Variants in CLASP1 observed in about 807,000 individuals in gnomAD.
CLASP1 encodes cytoplasmic linker associated protein 1, also known as CLIP-associating protein 1.
A neutral mutation model predicts 192.3 loss-of-function variants in CLASP1; 38 were observed. The observed-to-expected ratio is 0.20, with a 90% CI of 0.15 to 0.26. The LOEUF (loss-of-function observed/expected upper bound fraction) is 0.26. Among genes scored for constraint, CLASP1 ranks in the 10% least tolerant of loss-of-function variants. CLASP1 has a pLI of 1.00. For synonymous variants in CLASP1, 691 were observed against 712.8 expected (o/e 0.97, Z 0.49); for missense variants, 1,433 against 1,932.5 (o/e 0.74, Z 4.85).
intron 1 of CLASP1, among the ~76,000 whole-genome samples, chr2:121,608,572 GAGTGA>G (rs2064766051): frequency 6.6e-6 from 1 of 152,174 alleles, no homozygotes; most frequent in East Asian, 1.9e-4. Flanking sequence ...CCAGACATGT[GAGTGA>G]GGCCATCTGG....
chr2:121,604,581 T>C (rs192757430), intron 2 of CLASP1, among the ~76,000 whole-genome samples: 42 of 152,236 alleles, frequency 2.8e-4, no homozygotes, highest in Admixed American at 2.1e-3. Flanking sequence ...GGTGGGAGGA[T>C]TGCTTGAGCC....
intron 8 of CLASP1, among the ~76,000 whole-genome samples, chr2:121,475,534 T>G (rs1416050101): frequency 2.0e-5 from 3 of 152,210 alleles, no homozygotes; most frequent in African/African-American, 7.2e-5. Flanking sequence ...GTTCTAACGT[T>G]ACAGTATTTC....
intron 7 of CLASP1, 141 bp from the exon 8 acceptor site, chr2:121,503,375 T>C (rs1575514958): frequency 3.3e-6 from 2 of 597,640 alleles, no homozygotes; most frequent in East Asian, 5.6e-5. Context: ...AAACAGTGAC[T>C]CAATCAATAA....
rs71398038 is a variant in CLASP1, at chr2:121,633,007, C to CATATATATATATATATAT, written c.-286+16347_-286+16364dup. ...GTGTGTATATATATGTATGTGTGTG[C>CATATATATATATATATAT]ATATATATATATATATATATAGGCT... On this transcript the variant is annotated intron_variant, in intron 1 of 39. Transcript: ENST00000263710. Among the ~76,000 whole-genome samples, 88 of 115,546 alleles carry CATATATATATATATATAT rather than the reference C, an allele frequency of 7.6e-4. 2 individuals are homozygous for CATATATATATATATATAT. Among genetic ancestry groups the CATATATATATATATATAT allele is most frequent in the African/African-American group, 2.7e-3 (71 of 26,508 alleles). 75.8% of individuals were successfully genotyped at this position (115,546 alleles called of 152,430 possible). A position where few individuals can be genotyped will look rare whatever the true frequency, so the allele number is the denominator to read the frequency against.
chr2:121,497,576 G>C (rs1559440225), intron 8 of CLASP1, among the ~76,000 whole-genome samples: 2 of 152,136 alleles, frequency 1.3e-5, no homozygotes. Flanking sequence ...CAGGGAAAAA[G>C]CACTGCCTGA....
intron 7 of CLASP1, among the ~76,000 whole-genome samples, chr2:121,507,020 C>T (rs1260745200): frequency 6.6e-6 from 1 of 152,074 alleles, no homozygotes; most frequent in African/African-American, 2.4e-5. Flanking sequence ...CCAGTTTCAA[C>T]AACAAATGAT....
chr2:121,485,446 C>G (rs1378760844), intron 8 of CLASP1, among the ~76,000 whole-genome samples: 1 of 152,206 alleles, frequency 6.6e-6, no homozygotes, highest in Non-Finnish European at 1.5e-5. Context: ...AAGCCAAGCT[C>G]AAACACCATT....
chr2:121,351,082 C>T (rs1156323288), intron 37 of CLASP1, among the ~76,000 whole-genome samples: 1 of 152,178 alleles, frequency 6.6e-6, no homozygotes, highest in South Asian at 2.1e-4. Context: ...GCAGGCCGCA[C>T]CTCATTCGTC....
chr2:121,496,488 T>TG (rs1055029035), intron 8 of CLASP1, among the ~76,000 whole-genome samples: 21 of 152,032 alleles, frequency 1.4e-4, no homozygotes, highest in African/African-American at 5.1e-4. Context: ...TAAGAATCCA[T>TG]GGGAAAAAGC....
intron 21 of CLASP1, 142 bp from the exon 22 acceptor site, chr2:121,425,448 A>T: frequency 1.5e-6 from 1 of 648,642 alleles, no homozygotes. Flanking sequence ...TGGTGGTAGT[A>T]ATTTTTTTAA....
chr2:121,372,376 C>A (rs2068929618), intron 34 of CLASP1, among the ~76,000 whole-genome samples: 1 of 152,150 alleles, frequency 6.6e-6, no homozygotes, highest in Non-Finnish European at 1.5e-5. Flanking sequence ...TTATCCTTTA[C>A]CTGGTGATTT....
intron 1 of CLASP1, among the ~76,000 whole-genome samples, chr2:121,608,445 G>T (rs1400415526): frequency 6.6e-6 from 1 of 152,114 alleles, no homozygotes; most frequent in African/African-American, 2.4e-5. Flanking sequence ...AATGGAACTT[G>T]CCCTCTTAGA....
intron 1 of CLASP1, among the ~76,000 whole-genome samples, chr2:121,640,508 C>A (rs917888364): frequency 6.6e-6 from 1 of 152,152 alleles, no homozygotes; most frequent in African/African-American, 2.4e-5. Flanking sequence ...GAGCTCAAAT[C>A]TAAAAAGGAC....
intron 1 of CLASP1, among the ~76,000 whole-genome samples, chr2:121,626,049 G>A (rs1408869306): frequency 1.3e-5 from 2 of 151,072 alleles, no homozygotes; most frequent in Non-Finnish European, 2.9e-5. Context: ...GCAGTGAGCT[G>A]AGATGGCACC....
intron 9 of CLASP1, among the ~76,000 whole-genome samples, chr2:121,463,210 C>G (rs1249085949): frequency 6.6e-6 from 1 of 152,170 alleles, no homozygotes; most frequent in Non-Finnish European, 1.5e-5. Context: ...TATGAGCTCC[C>G]CTTTATGTAT....
intron 8 of CLASP1, among the ~76,000 whole-genome samples, chr2:121,486,319 A>T (rs569239540): frequency 3.3e-5 from 5 of 152,208 alleles, no homozygotes; most frequent in Non-Finnish European, 7.4e-5. Flanking sequence ...GTTTTAAGCA[A>T]CACTAAGGGA....
intron 1 of CLASP1, among the ~76,000 whole-genome samples, chr2:121,608,600 A>G: frequency 6.6e-6 from 1 of 152,178 alleles, no homozygotes; most frequent in East Asian, 1.9e-4. Context: ...CCATCTACCC[A>G]TTCCAGTCGT....
intron 9 of CLASP1, among the ~76,000 whole-genome samples, chr2:121,468,093 G>C (rs1037334955): frequency 1.7e-4 from 26 of 152,128 alleles, no homozygotes; most frequent in African/African-American, 5.8e-4. Context: ...AAGATCAGAT[G>C]GTTGTAGTCG....
chr2:121,458,159 G>A (rs2087092961), intron 13 of CLASP1, among the ~76,000 whole-genome samples: 1 of 152,172 alleles, frequency 6.6e-6, no homozygotes, highest in South Asian at 2.1e-4. Context: ...AGAACAGTAA[G>A]AACTTATAAT....
Sources: gnomAD v4.1 joint callset for allele counts (sites outside exome capture counted in the v4.1 genomes callset) on GRCh38, gnomAD v4.1.1 for gene constraint, MANE v1.5 for transcripts, NCBI Gene and HGNC (gene_info 2026-07-23, HGNC 2026-07-21) for gene names.